The following LRMDA variants were observed in gnomAD, a reference collection of about 807,000 sequenced individuals.
LRMDA encodes leucine rich melanocyte differentiation associated, also known as leucine-rich melanocyte differentiation-associated protein.
In LRMDA, 18 loss-of-function variants were observed where a neutral mutation model predicts 29.8. The ratio of observed to expected loss-of-function variants is 0.60; its 90% CI spans 0.42 to 0.90. The LOEUF (loss-of-function observed/expected upper bound fraction) is 0.90. Among genes scored for constraint, LRMDA ranks in the 40% least tolerant of loss-of-function variants. The pLI, the probability that LRMDA is intolerant of heterozygous loss-of-function variation, is 0.00. For synonymous variants in LRMDA, 125 were observed against 109.4 expected (o/e 1.14, Z -0.89); for missense variants, 273 against 273.9 (o/e 1.00, Z 0.02).
At chr10:76,061,739 T>C (rs1454579080) in intron 5 of LRMDA, among the ~76,000 whole-genome samples, 1 of 151,996 alleles carries the variant, frequency 6.6e-6, no homozygotes, top group African/African-American at 2.4e-5. Flanking sequence ...CCCCTGGGGG[T>C]CTGGGCTTCC....
At chr10:75,900,399 A>C (rs1403691644) in intron 2 of LRMDA, among the ~76,000 whole-genome samples, 1 of 152,214 alleles carries the variant, frequency 6.6e-6, no homozygotes, top group Non-Finnish European at 1.5e-5. Flanking sequence ...GGGAAAAAGG[A>C]AACAAAATTT....
intron 2 of LRMDA, among the ~76,000 whole-genome samples, chr10:75,756,562 A>G (rs1474828798): frequency 1.3e-5 from 2 of 152,236 alleles, no homozygotes; most frequent in Admixed American, 6.5e-5. Context: ...TTTTTGTTCT[A>G]TGCAGCTGAA....
chr10:76,174,596 C>T (rs937067848), intron 5 of LRMDA, among the ~76,000 whole-genome samples: 1 of 152,114 alleles, frequency 6.6e-6, no homozygotes, highest in East Asian at 1.9e-4. Flanking sequence ...TAAGGAAAGG[C>T]CTCAGGTCTT....
At position 76,153,997 on chromosome 10, in the gene LRMDA, A is replaced by C. The variant is rs147054970; in HGVS notation, c.516+95214A>C. Among the ~76,000 whole-genome samples, 402 of 152,360 alleles carry C rather than the reference A, an allele frequency of 2.6e-3. 1 individual carries two copies. The highest frequency in any genetic ancestry group is 0.014 in the Middle Eastern group (4 of 294). ...GATATCACAGCGATTGATTAATGAT[A>C]TCTGAAACCTGCATGAAAAGAGATA... On this transcript the variant is annotated intron_variant, in intron 5 of 6. Coordinates refer to ENST00000611255, the MANE Select transcript of LRMDA (RefSeq NM_001305581.2).
chr10:76,234,773 TCTCAGC>T (rs909006846), intron 5 of LRMDA, among the ~76,000 whole-genome samples: 10 of 152,226 alleles, frequency 6.6e-5, no homozygotes, highest in African/African-American at 2.4e-4. Context: ...CTTCTTTACC[TCTCAGC>T]CTTTACATAA....
intron 3 of LRMDA, among the ~76,000 whole-genome samples, chr10:76,046,645 C>T (rs1188947368): frequency 2.6e-5 from 4 of 152,102 alleles, no homozygotes; most frequent in Admixed American, 6.5e-5. Flanking sequence ...CCATCATGCC[C>T]AGCTAATTTT....
intron 5 of LRMDA, among the ~76,000 whole-genome samples, chr10:76,112,615 T>C (rs949411574): frequency 2.6e-5 from 4 of 152,236 alleles, no homozygotes; most frequent in Admixed American, 2.0e-4. Flanking sequence ...CAAGAGGCCC[T>C]GGTACTGCCC....
In LRMDA at chr10:75,514,318, T is replaced by C. The variant is rs111654453; in HGVS notation, c.131+75824T>C. Among the ~76,000 whole-genome samples, 927 of 151,640 alleles carry C rather than the reference T, an allele frequency of 6.1e-3. 3 individuals are homozygous for C. Among genetic ancestry groups the C allele is most frequent in the Middle Eastern group, 0.01 (3 of 294 alleles). On this transcript the variant is annotated intron_variant, in intron 2 of 6. Coordinates refer to ENST00000611255, the MANE Select transcript of LRMDA (RefSeq NM_001305581.2). ...CTCCTTTTTCCTTCTTCTTCTTCTT[T>C]TTTTTTTTTAAATAACCATAACAAA...
At chr10:75,839,189 G>A (rs1278697428) in intron 2 of LRMDA, among the ~76,000 whole-genome samples, 1 of 152,218 alleles carries the variant, frequency 6.6e-6, no homozygotes, top group Non-Finnish European at 1.5e-5. Flanking sequence ...AATGATGAAT[G>A]TGGCTAAACA....
At position 75,788,855 on chromosome 10, in the gene LRMDA, G is replaced by T. The variant is rs575323468; in HGVS notation, c.132-247153G>T. ...TCCCCACTTTGTATTCCACAGACTGGATCTGCTTCCCCTGTTTAGGTTGTT... is the reference window on the plus strand; with the variant it reads ...TCCCCACTTTGTATTCCACAGACTGTATCTGCTTCCCCTGTTTAGGTTGTT... On this transcript the variant is annotated intron_variant, in intron 2 of 6. Transcript: ENST00000611255. 2.6e-5 allele frequency among the ~76,000 whole-genome samples: 4 copies of T among 152,210 alleles called. No homozygotes were observed. In the South Asian group the frequency reaches 8.3e-4, roughly 32 times the overall value.
intron 2 of LRMDA, among the ~76,000 whole-genome samples, chr10:76,014,370 C>A (rs1259181315): frequency 1.1e-4 from 16 of 151,728 alleles, no homozygotes. Context: ...CATACTATAT[C>A]CTTTATTGAC....
intron 2 of LRMDA, among the ~76,000 whole-genome samples, chr10:75,490,038 C>T (rs1382097856): frequency 6.6e-6 from 1 of 151,954 alleles, no homozygotes; most frequent in African/African-American, 2.4e-5. Flanking sequence ...AGTTACTGTG[C>T]CTGCTTTATG....
At chr10:75,798,982 T>C (rs964204742) in intron 2 of LRMDA, among the ~76,000 whole-genome samples, 1 of 152,218 alleles carries the variant, frequency 6.6e-6, no homozygotes, top group South Asian at 2.1e-4. Context: ...TGAATACATC[T>C]TGTGTACTTG....
chr10:75,920,557 C>T (rs954265777), intron 2 of LRMDA, among the ~76,000 whole-genome samples: 4 of 152,170 alleles, frequency 2.6e-5, no homozygotes, highest in Non-Finnish European at 5.9e-5. Flanking sequence ...CCTCTCTATG[C>T]GCTTTACAGA....
intron 2 of LRMDA, among the ~76,000 whole-genome samples, chr10:75,487,812 T>C (rs1844933609): frequency 6.6e-6 from 1 of 152,168 alleles, no homozygotes; most frequent in South Asian, 2.1e-4. Flanking sequence ...AGAGCAGGCT[T>C]TGTTAGCTGG....
chr10:75,893,060 A>C (rs562734521), intron 2 of LRMDA, among the ~76,000 whole-genome samples: 1 of 152,304 alleles, frequency 6.6e-6, no homozygotes, highest in African/African-American at 2.4e-5. Flanking sequence ...GGCTTTCAGT[A>C]AAGGTTCACT....
intron 2 of LRMDA, among the ~76,000 whole-genome samples, chr10:75,559,685 A>C (rs896122289): frequency 3.3e-5 from 5 of 150,326 alleles, no homozygotes; most frequent in African/African-American, 1.2e-4. Flanking sequence ...TTAAGTCTTT[A>C]ATCCATCTTA....
intron 2 of LRMDA, among the ~76,000 whole-genome samples, chr10:75,579,040 G>A (rs7088189): frequency 0.61 from 91,914 of 151,908 alleles, 31,143 homozygotes; most frequent in East Asian, 0.85. Flanking sequence ...TCAAAATCTA[G>A]CAGAAGGCAA....
chr10:76,347,692 C>T (rs1255950195), intron 6 of LRMDA, among the ~76,000 whole-genome samples: 2 of 152,050 alleles, frequency 1.3e-5, no homozygotes, highest in Non-Finnish European at 1.5e-5. Context: ...ACCCAAGGAA[C>T]CTTAGATGTT....
Sources: allele counts gnomAD v4.1 joint callset (sites outside exome capture counted in the v4.1 genomes callset), GRCh38; gene constraint gnomAD v4.1.1; transcripts MANE v1.5; gene names NCBI Gene and HGNC (gene_info 2026-07-23, HGNC 2026-07-21).